The following CDH13 variants were observed in gnomAD, a reference collection of about 807,000 sequenced individuals.
CDH13 encodes the protein cadherin-13.
A neutral mutation model predicts 63.8 loss-of-function variants in CDH13; 24 were observed. The observed-to-expected ratio is 0.38, with a 90% CI of 0.27 to 0.53. The LOEUF is 0.53. CDH13 is among the 20% of genes least tolerant of loss of function. The pLI, the probability that CDH13 is intolerant of heterozygous loss-of-function variation, is 0.85. For missense variants in CDH13, 1,049 were observed against 903.1 expected, an observed-to-expected ratio of 1.16 and a Z score of -2.07; for synonymous variants, 503 against 355.3, an observed-to-expected ratio of 1.42 and a Z score of -4.67.
intron 6 of CDH13, among the ~76,000 whole-genome samples, chr16:83,410,133 C>T (rs1256512868): frequency 6.6e-6 from 1 of 152,098 alleles, no homozygotes; most frequent in Admixed American, 6.5e-5. Context: ...GAGCATAGCC[C>T]ATGTAGAGCG....
chr16:82,734,820 G>A (rs935621594), intron 1 of CDH13, among the ~76,000 whole-genome samples: 3 of 152,318 alleles, frequency 2.0e-5, no homozygotes, highest in Non-Finnish European at 2.9e-5. Flanking sequence ...ACAGTTACAA[G>A]GAAGGAGCAT....
chr16:83,604,668 G>A (rs1187845029), intron 8 of CDH13, among the ~76,000 whole-genome samples: 3 of 152,042 alleles, frequency 2.0e-5, no homozygotes, highest in Non-Finnish European at 4.4e-5. Context: ...TGTTCACTGG[G>A]GGATTTTTGT....
intron 5 of CDH13, among the ~76,000 whole-genome samples, chr16:83,296,388 A>G (rs550760847): frequency 1.3e-5 from 2 of 152,306 alleles, no homozygotes; most frequent in Admixed American, 6.5e-5. Context: ...TTAAGTACCA[A>G]GAAATGCTAT....
intron 1 of CDH13, among the ~76,000 whole-genome samples, chr16:82,665,652 C>A (rs936351820): frequency 6.6e-6 from 1 of 152,058 alleles, no homozygotes; most frequent in Non-Finnish European, 1.5e-5. Context: ...CTCTGCTTCA[C>A]CTTCCTCAAC....
At chr16:82,713,043 CGTGTGTGTGTGTGGT>C (rs1567456271) in intron 1 of CDH13, among the ~76,000 whole-genome samples, 1 of 90,370 alleles carries the variant, frequency 1.1e-5, no homozygotes, top group South Asian at 3.3e-4. Context: ...AGAACCCCGG[CGTGTGTGTGTGTGGT>C]GTGTGTGTGT....
intron 3 of CDH13, among the ~76,000 whole-genome samples, chr16:83,123,615 A>G (rs1049182392): frequency 2.6e-5 from 4 of 152,014 alleles, no homozygotes; most frequent in Non-Finnish European, 4.4e-5. Context: ...GTTGATGGAC[A>G]CTTAGGTTCA....
chr16:83,212,180 G>A (rs2039357187), intron 4 of CDH13, among the ~76,000 whole-genome samples: 1 of 152,150 alleles, frequency 6.6e-6, no homozygotes, highest in African/African-American at 2.4e-5. Flanking sequence ...AAGGTGGTCT[G>A]GAAACACACT....
chr16:82,854,309 G>A (rs1434091557), intron 1 of CDH13, among the ~76,000 whole-genome samples: 1 of 149,080 alleles, frequency 6.7e-6, no homozygotes, highest in Non-Finnish European at 1.5e-5. Flanking sequence ...GCTGAGGCAG[G>A]AGAATGGCAT....
intron 7 of CDH13, among the ~76,000 whole-genome samples, chr16:83,563,934 A>C (rs985649740): frequency 6.6e-6 from 1 of 152,194 alleles, no homozygotes; most frequent in Non-Finnish European, 1.5e-5. Context: ...AGAGATCCAG[A>C]TCTGAATCTC....
In CDH13 at chr16:82,641,928, G is replaced by A. The variant is rs527311727; in HGVS notation, c.45+14791G>A. On this transcript the variant is annotated intron_variant, in intron 1 of 13. Coordinates refer to ENST00000567109, the MANE Select transcript of CDH13 (RefSeq NM_001257.5). ...GAAGAATGAGAAAGCAGGCGAGGGGGTAGATAGCGACAGGCAGAGGTCATG... is the reference window on the plus strand; with the variant it reads ...GAAGAATGAGAAAGCAGGCGAGGGGATAGATAGCGACAGGCAGAGGTCATG... Among the ~76,000 whole-genome samples, 301 of 152,252 alleles carry A rather than the reference G, an allele frequency of 2.0e-3. 1 individual carries two copies. The highest frequency in any genetic ancestry group is 6.9e-3 in the African/African-American group (288 of 41,530).
chr16:83,471,989 G>A (rs984588353), intron 6 of CDH13, among the ~76,000 whole-genome samples: 1 of 152,156 alleles, frequency 6.6e-6, no homozygotes, highest in Non-Finnish European at 1.5e-5. Flanking sequence ...TGCTTTCATT[G>A]AAGACTTCTC....
intron 10 of CDH13, among the ~76,000 whole-genome samples, chr16:83,693,104 G>C (rs189228243): frequency 5.9e-5 from 9 of 152,156 alleles, no homozygotes; most frequent in Non-Finnish European, 1.2e-4. Flanking sequence ...GAAAAGAAAA[G>C]TACATAGCCA....
intron 4 of CDH13, among the ~76,000 whole-genome samples, chr16:83,172,106 C>G (rs758492346): frequency 2.0e-4 from 31 of 152,012 alleles, no homozygotes; most frequent in Non-Finnish European, 4.0e-4. Context: ...AAACTGAGGT[C>G]ATTTGAGTAG....
rs536940721 is a variant in CDH13, at chr16:83,167,027, G to C, written c.483+41526G>C. On this transcript the variant is annotated intron_variant, in intron 4 of 13. Coordinates refer to ENST00000567109, the MANE Select transcript of CDH13 (RefSeq NM_001257.5). ...ATTTTTACTTTTTGAGAAGTTGCAAGTTACATGAAAATAAACATACTATAT... is the reference window on the plus strand; with the variant it reads ...ATTTTTACTTTTTGAGAAGTTGCAACTTACATGAAAATAAACATACTATAT... Among the ~76,000 whole-genome samples, 5 of 152,200 alleles carry C rather than the reference G, an allele frequency of 3.3e-5. No individual in the cohort carries two copies. The South Asian group carries it at 1.0e-3, about 32-fold the overall frequency.
At chr16:82,965,983 C>T (rs919329477) in intron 2 of CDH13, among the ~76,000 whole-genome samples, 1 of 152,168 alleles carries the variant, frequency 6.6e-6, no homozygotes, top group South Asian at 2.1e-4. Context: ...GAAAATATCC[C>T]TGTCAGCCAA....
chr16:82,717,631 T>C (rs897585663), intron 1 of CDH13, among the ~76,000 whole-genome samples: 21 of 152,152 alleles, frequency 1.4e-4, no homozygotes, highest in Non-Finnish European at 1.5e-4. Flanking sequence ...GGCTCCGTGG[T>C]CCCATGACCT....
chr16:83,489,012 G>A (rs187339848), intron 7 of CDH13, among the ~76,000 whole-genome samples: 16 of 152,194 alleles, frequency 1.1e-4, no homozygotes, highest in Middle Eastern at 3.4e-3. Context: ...CACTTGACAC[G>A]TGTGTGCAGG....
At chr16:83,601,293 A>G (rs1366350669) in intron 7 of CDH13, among the ~76,000 whole-genome samples, 2 of 152,166 alleles carry the variant, frequency 1.3e-5, no homozygotes, top group East Asian at 1.9e-4. Flanking sequence ...TAATTTAAAT[A>G]TAGGGGCTGT....
chr16:82,805,223 G>A (rs886370601), intron 1 of CDH13, among the ~76,000 whole-genome samples: 6 of 152,156 alleles, frequency 3.9e-5, no homozygotes, highest in Admixed American at 3.9e-4. Flanking sequence ...TGGGAGAGAG[G>A]TCTTGCAACC....
Sources: allele counts gnomAD v4.1 joint callset (sites outside exome capture counted in the v4.1 genomes callset), GRCh38; gene constraint gnomAD v4.1.1; transcripts MANE v1.5; gene names NCBI Gene and HGNC (gene_info 2026-07-23, HGNC 2026-07-21).